ZNF385D: variants seen among roughly 807,000 people sequenced by gnomAD.
The protein encoded by ZNF385D is zinc finger protein 385D, also known as zinc finger protein 659.
ZNF385D carries 15 observed loss-of-function variants against 35.8 expected under a neutral mutation model. The ratio of observed to expected loss-of-function variants is 0.42; its 90% CI spans 0.28 to 0.64. ZNF385D has a LOEUF of 0.64. ZNF385D is among the 30% of genes least tolerant of loss of function. The pLI is 0.23. For missense variants in ZNF385D, 474 were observed against 494.6 expected (o/e 0.96, Z 0.39); for synonymous variants, 212 against 186.8 (o/e 1.13, Z -1.10).
At chr3:21,739,573 T>C (rs1362106643) in intron 1 of ZNF385D, among the ~76,000 whole-genome samples, 1 of 152,200 alleles carries the variant, frequency 6.6e-6, no homozygotes, top group African/African-American at 2.4e-5. Flanking sequence ...CAGGCATTTC[T>C]TTCCCTAAGC....
chr3:21,759,292 G>A (rs994013052), intron 3 of ZNF385D, among the ~76,000 whole-genome samples: 2 of 151,968 alleles, frequency 1.3e-5, no homozygotes, highest in Admixed American at 1.3e-4. Context: ...AATGCAGAAA[G>A]AGCTGACAGA....
At chr3:21,905,314 C>T (rs990800846) in intron 3 of ZNF385D, among the ~76,000 whole-genome samples, 4 of 149,724 alleles carry the variant, frequency 2.7e-5, no homozygotes, top group African/African-American at 9.8e-5. Flanking sequence ...GTATGCATAA[C>T]TCAAGCTGTG....
chr3:21,924,011 T>C (rs1356193197), intron 3 of ZNF385D, among the ~76,000 whole-genome samples: 2 of 152,150 alleles, frequency 1.3e-5, no homozygotes, highest in Non-Finnish European at 2.9e-5. Context: ...CTTAAAACAA[T>C]ATATTTATGC....
chr3:21,499,656 A>C (rs1263307297), intron 4 of ZNF385D, among the ~76,000 whole-genome samples: 1 of 151,912 alleles, frequency 6.6e-6, no homozygotes, highest in Non-Finnish European at 1.5e-5. Context: ...GAAAAAAAAA[A>C]ACCAAAAAAC....
chr3:22,122,527 G>C (rs1238407807), intron 3 of ZNF385D, among the ~76,000 whole-genome samples: 1 of 151,984 alleles, frequency 6.6e-6, no homozygotes, highest in Non-Finnish European at 1.5e-5. Context: ...ATCTTTTCTA[G>C]GTGCTGATGA....
At chr3:22,108,539 T>G (rs1315830632) in intron 3 of ZNF385D, among the ~76,000 whole-genome samples, 1 of 152,152 alleles carries the variant, frequency 6.6e-6, no homozygotes, top group African/African-American at 2.4e-5. Context: ...GTGCAATGCA[T>G]GTGGAACTAA....
intron 3 of ZNF385D, among the ~76,000 whole-genome samples, chr3:21,793,188 T>C (rs1157499209): frequency 1.3e-5 from 2 of 152,210 alleles, no homozygotes; most frequent in Admixed American, 1.3e-4. Flanking sequence ...AATAAAGTTA[T>C]GCATCATCTC....
At chr3:22,105,178 A>G (rs1456948921) in intron 3 of ZNF385D, among the ~76,000 whole-genome samples, 1 of 152,144 alleles carries the variant, frequency 6.6e-6, no homozygotes, top group Non-Finnish European at 1.5e-5. Flanking sequence ...CAGAAGGGAT[A>G]TAATCTTCTG....
At chr3:21,817,732 G>C (rs1032013385) in intron 3 of ZNF385D, among the ~76,000 whole-genome samples, 7 of 152,324 alleles carry the variant, frequency 4.6e-5, no homozygotes, top group Admixed American at 2.6e-4. Context: ...TGGTGGGACT[G>C]TAAACTAGTT....
intron 1 of ZNF385D, among the ~76,000 whole-genome samples, chr3:21,702,702 G>A (rs2067736392): frequency 6.6e-6 from 1 of 152,224 alleles, no homozygotes; most frequent in South Asian, 2.1e-4. Context: ...TGAATGCTTC[G>A]CTGCTTAGAA....
intron 3 of ZNF385D, among the ~76,000 whole-genome samples, chr3:22,104,422 T>C (rs2125631132): frequency 6.6e-6 from 1 of 152,330 alleles, no homozygotes; most frequent in South Asian, 2.1e-4. Flanking sequence ...AATGACATTC[T>C]TCTGCAGGTA....
At chr3:21,432,800 AAAATC>A (rs1207780434) in intron 5 of ZNF385D, among the ~76,000 whole-genome samples, 1 of 152,058 alleles carries the variant, frequency 6.6e-6, no homozygotes, top group Admixed American at 6.6e-5. Context: ...TAAAAAAAAA[AAAATC>A]AAAGTAGGAA....
intron 2 of ZNF385D, among the ~76,000 whole-genome samples, chr3:22,253,366 G>C (rs79815789): frequency 0.014 from 2,185 of 152,000 alleles, 24 homozygotes; most frequent in Non-Finnish European, 0.022. Flanking sequence ...AAAAAAATAG[G>C]AACATAAGTG....
intron 3 of ZNF385D, among the ~76,000 whole-genome samples, chr3:22,150,505 A>C (rs1421750501): frequency 6.6e-6 from 1 of 152,086 alleles, no homozygotes; most frequent in Non-Finnish European, 1.5e-5. Context: ...ATGCATACCT[A>C]CTTTTTTCTC....
In ZNF385D at chr3:21,808,721, A is replaced by T. The variant is rs561781902; in HGVS notation, c.326-143693T>A. 8.5e-4 allele frequency among the ~76,000 whole-genome samples: 129 copies of T among 152,308 alleles called. 2 individuals carry two copies. In the Middle Eastern group the frequency reaches 0.017, roughly 20 times the overall value. ...AAGGGTTATGGACAGGAGTGATCTG[A>T]ATGAAGAAATGTTTTAAATCAGTGT... On this transcript the variant is annotated intron_variant, in intron 3 of 5. Coordinates refer to the ZNF385D transcript ENST00000494108.
At chr3:21,559,663 T>C (rs977800196) in intron 3 of ZNF385D, among the ~76,000 whole-genome samples, 5 of 152,158 alleles carry the variant, frequency 3.3e-5, no homozygotes, top group African/African-American at 1.2e-4. Flanking sequence ...TCAAGGAGTA[T>C]CTTTGTGGTG....
At chr3:21,424,197 G>T in intron 6 of ZNF385D, 133 bp from the exon 7 acceptor site, 1 of 653,346 alleles carries the variant, frequency 1.5e-6, no homozygotes, top group Non-Finnish European at 2.3e-6. Flanking sequence ...AAAAGATCAT[G>T]CACTTTTGTC....
intron 2 of ZNF385D, among the ~76,000 whole-genome samples, chr3:22,214,917 T>C (rs1697766147): frequency 6.6e-6 from 1 of 151,964 alleles, no homozygotes; most frequent in African/African-American, 2.4e-5. Flanking sequence ...CCACACCCTA[T>C]TTGTACACAC....
At chr3:21,997,801 A>G (rs559037130) in intron 3 of ZNF385D, among the ~76,000 whole-genome samples, 1 of 152,136 alleles carries the variant, frequency 6.6e-6, no homozygotes. Context: ...TTCTTAACTC[A>G]AAGTCTCTGG....
Sources: allele counts gnomAD v4.1 joint callset (sites outside exome capture counted in the v4.1 genomes callset), GRCh38; gene constraint gnomAD v4.1.1; transcripts MANE v1.5; gene names NCBI Gene and HGNC (gene_info 2026-07-23, HGNC 2026-07-21).